CPXM2: variants seen among roughly 807,000 people sequenced by gnomAD.
The protein encoded by CPXM2 is carboxypeptidase X, M14 family member 2.
Under a neutral mutation model 86.1 loss-of-function variants are expected in CPXM2, and 66 were observed. The ratio of observed to expected loss-of-function variants is 0.77; its 90% CI spans 0.63 to 0.94. The LOEUF (loss-of-function observed/expected upper bound fraction) is 0.94, where lower values mean the gene tolerates loss of function less well. Ranked by LOEUF, CPXM2 falls within the 40% of genes least tolerant of loss-of-function variation. CPXM2 has a pLI of 0.00. For missense variants in CPXM2, 948 were observed against 1,026.3 expected (o/e 0.92, Z 1.04); for synonymous variants, 388 against 400.2 (o/e 0.97, Z 0.36).
chr10:123,931,192 T>G (rs556578108), intron 2 of CPXM2, among the ~76,000 whole-genome samples: 60 of 152,126 alleles, frequency 3.9e-4, no homozygotes, highest in African/African-American at 1.4e-3. Flanking sequence ...TGTCTGGCAA[T>G]TAACAAAAGA....
intron 6 of CPXM2, among the ~76,000 whole-genome samples, chr10:123,785,901 G>A (rs769585902): frequency 1.4e-4 from 22 of 152,078 alleles, no homozygotes; most frequent in Non-Finnish European, 2.9e-4. Flanking sequence ...CCAAAGTGCT[G>A]GGATTACAGG....
chr10:123,774,531 A>G (rs1373587461), intron 7 of CPXM2, among the ~76,000 whole-genome samples: 2 of 152,180 alleles, frequency 1.3e-5, no homozygotes, highest in Non-Finnish European at 2.9e-5. Context: ...ATGACTGGGA[A>G]GAGTGGTTTA....
chr10:123,831,212 A>C, intron 4 of CPXM2, among the ~76,000 whole-genome samples: 1 of 152,246 alleles, frequency 6.6e-6, no homozygotes, highest in Non-Finnish European at 1.5e-5. Flanking sequence ...GTTCCTAAAC[A>C]GCCCCAGTGC....
intron 11 of CPXM2, among the ~76,000 whole-genome samples, chr10:123,758,694 C>T (rs888987062): frequency 6.6e-6 from 1 of 152,186 alleles, no homozygotes; most frequent in African/African-American, 2.4e-5. Flanking sequence ...GCATGAAGTA[C>T]CAGTGGCTTC....
Position 123,746,805 on chromosome 10 carries a change from G to T in CPXM2, c.2230C>A (p.Arg744=), listed in dbSNP as rs762600262. The T allele has an allele frequency of 3.1e-6, 5 of 1,614,162 alleles. No individual in the cohort carries two copies. In the South Asian group the frequency reaches 5.5e-5, roughly 18 times the overall value. Residue 744 remains arginine (R), a synonymous_variant, in exon 14 of 14, where the codon CGG becomes AGG. Coordinates refer to ENST00000241305, the MANE Select transcript of CPXM2 (RefSeq NM_198148.3). Reference sequence around the variant, plus strand: ...CTCTTCTGCCCCCGCAGCTTCAGCCGCCTGGCTGGCAGGCTGACGGGCTGC... The same window carrying T: ...CTCTTCTGCCCCCGCAGCTTCAGCCTCCTGGCTGGCAGGCTGACGGGCTGC... ...GKQPVSLPAR[R]LKLRGQKRRQ...
chr10:123,921,069 T>A (rs1007532767), intron 2 of CPXM2, among the ~76,000 whole-genome samples: 36 of 151,970 alleles, frequency 2.4e-4, no homozygotes, highest in African/African-American at 8.7e-4. Context: ...TTTATAACAT[T>A]AAAAAAAAGT....
chr10:123,892,915 G>A (rs115340830), upstream of CPXM2, among the ~76,000 whole-genome samples: 3,721 of 152,230 alleles, frequency 0.024, 97 homozygotes, highest in South Asian at 0.075. Context: ...CGTGGGCCCG[G>A]CATCTCAGAG....
chr10:123,880,253 C>T lies in CPXM2; in HGVS notation c.361G>A (p.Asp121Asn), dbSNP rs777549768. ...CGGGCCACACGGACACTGTGATCATCGTTGGCAGCCTTCTCAGAGCTCTTG... is the reference window on the plus strand; with the variant it reads ...CGGGCCACACGGACACTGTGATCATTGTTGGCAGCCTTCTCAGAGCTCTTG... ...RTKSSEKAAN[D>N]DHSVRVARED... The change falls in exon 2 of 14, where the codon GAT becomes AAT. Residue 121 changes from aspartate (D) to asparagine (N), a missense_variant. Physicochemically the swap from Asp to Asn is conservative, Grantham distance 23. Coordinates refer to ENST00000241305, the MANE Select transcript of CPXM2 (RefSeq NM_198148.3). The T allele has an allele frequency of 4.1e-5, 66 of 1,591,938 alleles. No homozygotes were observed. Among genetic ancestry groups the T allele is most frequent in the South Asian group, 2.2e-4 (20 of 90,660 alleles).
intron 3 of CPXM2, among the ~76,000 whole-genome samples, chr10:123,860,559 T>C (rs546573466): frequency 6.6e-6 from 1 of 152,312 alleles, no homozygotes; most frequent in East Asian, 1.9e-4. Flanking sequence ...AAAGCACAAA[T>C]AAATGTGAAC....
At chr10:123,936,039 T>A (rs376638708) in intron 2 of CPXM2, among the ~76,000 whole-genome samples, 1 of 838 alleles carries the variant, frequency 1.2e-3, no homozygotes. Context: ...CACCAGCATC[T>A]TCACCATCAT....
intron 4 of CPXM2, among the ~76,000 whole-genome samples, chr10:123,806,877 C>T (rs181886369): frequency 1.3e-5 from 2 of 152,118 alleles, no homozygotes; most frequent in East Asian, 1.9e-4. Context: ...CTCCCCTACA[C>T]GTAGGGATTA....
chr10:123,800,274 C>G (rs1185814695), intron 4 of CPXM2, among the ~76,000 whole-genome samples: 1 of 151,890 alleles, frequency 6.6e-6, no homozygotes, highest in Non-Finnish European at 1.5e-5. Flanking sequence ...GGAAACAAAC[C>G]CTCATCTCAC....
At chr10:123,842,613 GA>G in intron 3 of CPXM2, 125 bp from the exon 4 acceptor site, 2 of 935,608 alleles carry the variant, frequency 2.1e-6, no homozygotes, top group East Asian at 2.6e-5. Context: ...AGGTGTTAAA[GA>G]AAAAAATAAT....
chr10:123,835,832 C>G (rs1426130559), intron 4 of CPXM2, among the ~76,000 whole-genome samples: 10 of 152,194 alleles, frequency 6.6e-5, no homozygotes, highest in Admixed American at 5.2e-4. Flanking sequence ...TTGGGAGGAA[C>G]AAGGGGACAC....
At chr10:123,848,503 C>A (rs775393034) in intron 3 of CPXM2, among the ~76,000 whole-genome samples, 2 of 152,092 alleles carry the variant, frequency 1.3e-5, no homozygotes, top group Non-Finnish European at 1.5e-5. Context: ...AAAATAAATT[C>A]TATTCAACAC....
intron 3 of CPXM2, among the ~76,000 whole-genome samples, chr10:123,850,977 C>T (rs28584696): frequency 0.19 from 28,947 of 152,130 alleles, 3,455 homozygotes; most frequent in East Asian, 0.4. Flanking sequence ...ATTTTATGAA[C>T]GCTTCCATTG....
At chr10:123,882,341 T>G (rs1590098093) in intron 1 of CPXM2, among the ~76,000 whole-genome samples, 1 of 152,168 alleles carries the variant, frequency 6.6e-6, no homozygotes, top group East Asian at 1.9e-4. Flanking sequence ...CCCACATCTC[T>G]GCCCGACACT....
At chr10:123,913,292 C>A (rs1945504993) in intron 2 of CPXM2, among the ~76,000 whole-genome samples, 2 of 152,192 alleles carry the variant, frequency 1.3e-5, no homozygotes, top group Non-Finnish European at 2.9e-5. Flanking sequence ...AGAAGTGCAG[C>A]CTTATCCAAG....
In CPXM2 at chr10:123,859,887, G is replaced by A. The variant is rs188386649; in HGVS notation, c.513+2727C>T. On this transcript the variant is annotated intron_variant, in intron 3 of 13. Coordinates refer to ENST00000241305, the MANE Select transcript of CPXM2 (RefSeq NM_198148.3). ...AGACGAAGTGAGGACAGCCTCGCCG[G>A]CTGCTCCCTGCTGGACGCCCCATCT... 5.9e-5 allele frequency among the ~76,000 whole-genome samples: 9 copies of A among 152,280 alleles called. No individual in the cohort carries two copies. The East Asian group carries it at 1.5e-3, about 26-fold the overall frequency.
Sources: allele counts gnomAD v4.1 joint callset (sites outside exome capture counted in the v4.1 genomes callset), GRCh38; gene constraint gnomAD v4.1.1; transcripts MANE v1.5; gene names NCBI Gene and HGNC (gene_info 2026-07-23, HGNC 2026-07-21).